LRBA: variants seen among roughly 807,000 people sequenced by gnomAD.
LRBA encodes the protein lipopolysaccharide-responsive and beige-like anchor protein.
In LRBA, 176 loss-of-function variants were observed where a neutral mutation model predicts 330.0. The ratio of observed to expected loss-of-function variants is 0.53; its 90% CI spans 0.47 to 0.60. The LOEUF (loss-of-function observed/expected upper bound fraction) is 0.60. Among genes scored for constraint, LRBA ranks in the 20% least tolerant of loss-of-function variants. The pLI is 0.00. For synonymous variants in LRBA, 1,230 were observed against 1,193.0 expected (o/e 1.03, Z -0.64); for missense variants, 3,259 against 3,444.8 (o/e 0.95, Z 1.35).
Position 150,828,547 on chromosome 4 carries a change from T to A in LRBA, c.4804A>T (p.Arg1602Trp). ...EESESTSSARRRDSGIGEETA... is the reference protein window; with the variant it reads ...EESESTSSARWRDSGIGEETA... ...TCTTCCCCAATGCCTGAGTCCCTCC[T>A]TCGAGCAGATGATGTGCTTTCAGAT... is the stretch of plus-strand genomic sequence containing the variant. Residue 1602 changes from arginine to tryptophan, a missense_variant, in exon 30 of 57, where the codon AGG (arginine) becomes TGG (tryptophan). By Grantham distance (101) the Arg-to-Trp change is moderately radical. Transcript: ENST00000651943. The A allele has an allele frequency of 5.6e-6, 9 of 1,614,132 alleles. No homozygotes were observed. Among genetic ancestry groups the A allele is most frequent in the Non-Finnish European group, 7.6e-6 (9 of 1,180,010 alleles).
At chr4:150,543,420 G>T (rs1172275206) in intron 40 of LRBA, among the ~76,000 whole-genome samples, 5 of 152,120 alleles carry the variant, frequency 3.3e-5, no homozygotes, top group Non-Finnish European at 4.4e-5. Context: ...GTTCAAATAG[G>T]TAGTTTAGAA....
intron 8 of LRBA, among the ~76,000 whole-genome samples, chr4:150,914,568 A>T (rs1732373449): frequency 6.6e-6 from 1 of 152,164 alleles, no homozygotes; most frequent in Non-Finnish European, 1.5e-5. Context: ...CAAACAACCT[A>T]GATCAAATCC....
chr4:150,768,615 C>A (rs563097189), intron 34 of LRBA, among the ~76,000 whole-genome samples: 1 of 152,010 alleles, frequency 6.6e-6, no homozygotes, highest in Admixed American at 6.6e-5. Flanking sequence ...AAAGGTAATC[C>A]TCTACAAATA....
At chr4:150,541,773 G>A (rs1177664228) in intron 40 of LRBA, among the ~76,000 whole-genome samples, 1 of 152,134 alleles carries the variant, frequency 6.6e-6, no homozygotes, top group Non-Finnish European at 1.5e-5. Context: ...GCTCGCTGCA[G>A]CCTTGAACTC....
chr4:150,351,582 G>A (rs1271430286), intron 47 of LRBA, among the ~76,000 whole-genome samples: 4 of 152,140 alleles, frequency 2.6e-5, no homozygotes, highest in South Asian at 4.2e-4. Context: ...CCAGCTACCC[G>A]GGAGGCTGAG....
At position 150,560,105 on chromosome 4, in the gene LRBA, C is replaced by T. The variant is rs565502164; in HGVS notation, c.6330+27943G>A. On this transcript the variant is annotated intron_variant, in intron 40 of 56. Transcript: ENST00000651943. ...ATATAAATAAGATAACATTCTTATT[C>T]TTAGGAAATACACACTGAAGTATTC... Among the ~76,000 whole-genome samples, 7 of 149,366 alleles carry T rather than the reference C, an allele frequency of 4.7e-5. No homozygotes were observed. The South Asian group carries it at 1.5e-3, about 31-fold the overall frequency.
chr4:150,661,111 G>A lies in LRBA; in HGVS notation c.5921+22440C>T, dbSNP rs567645539. On this transcript the variant is annotated intron_variant, in intron 37 of 56. Coordinates refer to ENST00000651943, the MANE Select transcript of LRBA (RefSeq NM_001364905.1). ...AAAAAAAAAAAAAAAGTTTCCAAAT[G>A]AGGGTTACAGTGTATACCCTGAACC... 4.1e-4 allele frequency among the ~76,000 whole-genome samples: 57 copies of A among 138,694 alleles called. No homozygotes were observed. The South Asian group carries it at 0.012, about 30-fold the overall frequency. 91.0% of individuals were successfully genotyped at this position (138,694 alleles called of 152,430 possible).
At chr4:150,897,368 A>T (rs1277251099) in intron 15 of LRBA, among the ~76,000 whole-genome samples, 1 of 152,072 alleles carries the variant, frequency 6.6e-6, no homozygotes, top group Non-Finnish European at 1.5e-5. Context: ...GTACATTTAT[A>T]CAGAAATACT....
chr4:150,874,445 T>TG (rs1753780970), intron 17 of LRBA, among the ~76,000 whole-genome samples: 1 of 152,224 alleles, frequency 6.6e-6, no homozygotes, highest in African/African-American at 2.4e-5. Context: ...TTAGAGTCCC[T>TG]GCTTTGGAGC....
rs753859577 is a variant in LRBA at position 150,897,808 on chromosome 4, T to A, written c.1935A>T (p.Arg645=). Residue 645 remains arginine (R), a synonymous_variant, in exon 15 of 57, where the codon CGA becomes CGT. Coordinates refer to ENST00000651943, the MANE Select transcript of LRBA (RefSeq NM_001364905.1). ...GITPKGLDGP[R]PNQKEMLSLR... Reference sequence around the variant, plus strand: ...GAGAAAGCATTTCTTTTTGATTAGGTCGCGGTCCATCTTTTAAAAAAATAT... The same window carrying A: ...GAGAAAGCATTTCTTTTTGATTAGGACGCGGTCCATCTTTTAAAAAAATAT... 8.4e-5 allele frequency: 135 copies of A among 1,610,406 alleles called. No homozygotes were observed. Among genetic ancestry groups the A allele is most frequent in the Non-Finnish European group, 1.1e-4 (133 of 1,177,546 alleles).
At chr4:150,505,466 G>A (rs1225775044) in intron 40 of LRBA, among the ~76,000 whole-genome samples, 1 of 152,150 alleles carries the variant, frequency 6.6e-6, no homozygotes, top group Non-Finnish European at 1.5e-5. Context: ...TGAACAACCT[G>A]CTCCTGAATG....
intron 44 of LRBA, among the ~76,000 whole-genome samples, chr4:150,461,671 TAA>T (rs1370442254): frequency 6.6e-6 from 1 of 151,832 alleles, no homozygotes; most frequent in Non-Finnish European, 1.5e-5. Context: ...ACAATAATAA[TAA>T]AGTGGATGAT....
At chr4:150,639,801 ATATATGTGTGTGTGTGTG>A (rs1561457682) in intron 37 of LRBA, among the ~76,000 whole-genome samples, 112 of 4,590 alleles carry the variant, frequency 0.024, 8 homozygotes, top group Non-Finnish European at 0.035. Context: ...GTATATATAT[ATATATGTGTGTGTGTGTG>A]TATATATATA....
intron 36 of LRBA, among the ~76,000 whole-genome samples, chr4:150,694,769 T>G (rs1366987916): frequency 6.6e-6 from 1 of 152,022 alleles, no homozygotes; most frequent in Admixed American, 6.6e-5. Flanking sequence ...TCTTCTTGTT[T>G]TAATAGACTG....
At chr4:150,660,594 C>T (rs1463635566) in intron 37 of LRBA, among the ~76,000 whole-genome samples, 31 of 146,882 alleles carry the variant, frequency 2.1e-4, no homozygotes, top group Admixed American at 4.1e-4. Flanking sequence ...GAGAACGGGC[C>T]AGGATGACAA....
chr4:150,322,781 T>C (rs1036189960), intron 49 of LRBA, among the ~76,000 whole-genome samples: 12 of 152,174 alleles, frequency 7.9e-5, no homozygotes, highest in African/African-American at 2.9e-4. Flanking sequence ...GCTCATTCAA[T>C]TAAAGGTGTC....
chr4:150,476,597 G>A (rs1375084524), intron 42 of LRBA, among the ~76,000 whole-genome samples: 1 of 152,092 alleles, frequency 6.6e-6, no homozygotes, highest in Non-Finnish European at 1.5e-5. Context: ...GCTTCTAACT[G>A]CAAAATAACA....
intron 40 of LRBA, among the ~76,000 whole-genome samples, chr4:150,564,862 T>A (rs953922223): frequency 6.6e-6 from 1 of 152,022 alleles, no homozygotes; most frequent in Non-Finnish European, 1.5e-5. Flanking sequence ...ATGGCGATCA[T>A]TAAAAAGTCA....
At chr4:150,716,638 G>A (rs151088819) in intron 36 of LRBA, among the ~76,000 whole-genome samples, 58 of 151,738 alleles carry the variant, frequency 3.8e-4, no homozygotes, top group African/African-American at 1.2e-3. Flanking sequence ...TTTAAAAATC[G>A]ATCAATGAGG....
Sources: gnomAD v4.1 joint callset for allele counts (sites outside exome capture counted in the v4.1 genomes callset) on GRCh38, gnomAD v4.1.1 for gene constraint, MANE v1.5 for transcripts, NCBI Gene and HGNC (gene_info 2026-07-23, HGNC 2026-07-21) for gene names.